The following XRN1 variants were observed in gnomAD, a reference collection of about 807,000 sequenced individuals.
The protein encoded by XRN1 is 5'-3' exoribonuclease 1.
In XRN1, 67 loss-of-function variants were observed where a neutral mutation model predicts 222.3. The observed-to-expected ratio is 0.30, with a 90% CI of 0.25 to 0.37. XRN1 has a LOEUF of 0.37. Ranked by LOEUF, XRN1 falls within the 10% of genes least tolerant of loss-of-function variation. XRN1 has a pLI of 1.00. For synonymous variants in XRN1, 643 were observed against 652.4 expected (o/e 0.99, Z 0.22); for missense variants, 1,707 against 2,000.2 (o/e 0.85, Z 2.80).
At chr3:142,335,376 A>G in intron 34 of XRN1, 72 bp downstream of exon 34, 2 of 1,390,670 alleles carry the variant, frequency 1.4e-6, no homozygotes, top group African/African-American at 2.9e-5. Context: ...TGAGAAATTC[A>G]GTCCAATGCT....
intron 20 of XRN1, among the ~76,000 whole-genome samples, chr3:142,386,597 T>C (rs2067510776): frequency 6.6e-6 from 1 of 152,060 alleles, no homozygotes; most frequent in South Asian, 2.1e-4. Flanking sequence ...TCCCCTGAAA[T>C]TGAGAATGAC....
chr3:142,385,011 T>G (rs954921904), intron 20 of XRN1, among the ~76,000 whole-genome samples: 1 of 152,160 alleles, frequency 6.6e-6, no homozygotes, highest in African/African-American at 2.4e-5. Context: ...AACTGGAACA[T>G]CTGTACATTA....
intron 29 of XRN1, among the ~76,000 whole-genome samples, chr3:142,361,436 T>G (rs996827751): frequency 3.3e-5 from 5 of 152,232 alleles, no homozygotes; most frequent in Admixed American, 1.3e-4. Flanking sequence ...GGCCCTATGC[T>G]ATGATGTATG....
In XRN1 at chr3:142,363,004, G is replaced by C. The variant is rs960599723; in HGVS notation, c.3394+2043C>G. Among the ~76,000 whole-genome samples, 22 of 150,392 alleles carry C rather than the reference G, an allele frequency of 1.5e-4. 1 individual carries two copies. Among genetic ancestry groups the C allele is most frequent in the Admixed American group, 1.1e-3 (17 of 15,134 alleles). On this transcript the variant is annotated intron_variant, in intron 29 of 40. Coordinates refer to ENST00000392981, the MANE Select transcript of XRN1 (RefSeq NM_001282857.2). Reference sequence around the variant, plus strand: ...TACCCAGGCTGGTCTCAAACTCCCGGGCTCAAGCAATCCTCCCGCCTTGGC... The same window carrying C: ...TACCCAGGCTGGTCTCAAACTCCCGCGCTCAAGCAATCCTCCCGCCTTGGC...
Position 142,310,251 on chromosome 3 carries a change from T to C in XRN1, c.*1260A>G, listed in dbSNP as rs570100307. The C allele has an allele frequency of 1.8e-4, 27 of 152,648 alleles. No individual in the cohort carries two copies. Among genetic ancestry groups the C allele is most frequent in the African/African-American group, 6.0e-4 (25 of 41,562 alleles). The allele number at this position is 152,648 out of a possible 1,614,324, so 9.5% of individuals were successfully genotyped here. A position where few individuals can be genotyped will look rare whatever the true frequency, so the allele number is the denominator to read the frequency against. On this transcript the variant is annotated 3_prime_UTR_variant, in exon 41 of 41. Coordinates refer to ENST00000392981, the MANE Select transcript of XRN1 (RefSeq NM_001282857.2). ...TATAACAAGCTGCTCCATATAAAGATTGTGGTTCCTACTTTTAAAAAAGTA... is the reference window on the plus strand; with the variant it reads ...TATAACAAGCTGCTCCATATAAAGACTGTGGTTCCTACTTTTAAAAAAGTA...
intron 39 of XRN1, among the ~76,000 whole-genome samples, chr3:142,318,094 A>C (rs1404987537): frequency 1.3e-5 from 2 of 152,194 alleles, no homozygotes; most frequent in East Asian, 3.8e-4. Context: ...CTGGCAGTAG[A>C]TGCAGAAAAG....
intron 39 of XRN1, chr3:142,313,055 T>TAAAAAAA: frequency 6.8e-7 from 1 of 1,463,438 alleles, no homozygotes; most frequent in East Asian, 2.3e-5. Context: ...ATTATATTTA[T>TAAAAAAA]AAAAAAAATA....
At position 142,421,071 on chromosome 3, in the gene XRN1, G is replaced by T; in HGVS notation, c.1118C>A (p.Ala373Glu). The T allele has an allele frequency of 6.2e-7, 1 of 1,613,996 alleles. No individual in the cohort carries two copies. Among genetic ancestry groups the T allele is most frequent in the Non-Finnish European group, 8.5e-7 (1 of 1,179,960 alleles). ...GGCTTCTTCTGCTGCGACACCTGCT[G>T]CTTCATTGAGGTACTTGTTACCAAC... The part of the protein sequence containing the change: ...SKVGNKYLNE[A>E]AGVAAEEARN... The change falls in exon 10 of 41, where the codon GCA becomes GAA. Residue 373 changes from alanine (A) to glutamate (E), a missense_variant. Physicochemically the swap from Ala to Glu is moderately radical, Grantham distance 107. This residue lies in a region of XRN1 where 1,234 missense variants were observed against 1,518.2 expected (regional missense o/e 0.81). Transcript: ENST00000392981.
chr3:142,343,764 T>C (rs1296183518), intron 33 of XRN1, among the ~76,000 whole-genome samples: 1 of 152,104 alleles, frequency 6.6e-6, no homozygotes, highest in Non-Finnish European at 1.5e-5. Flanking sequence ...ATCAATATAT[T>C]GCAGAGATTA....
intron 37 of XRN1, among the ~76,000 whole-genome samples, chr3:142,323,045 A>G (rs149180406): frequency 3.2e-4 from 48 of 152,154 alleles, no homozygotes; most frequent in Admixed American, 7.2e-4. Context: ...ATCTCAAACT[A>G]CTGAGCTCAA....
At chr3:142,445,942 T>G (rs916440277) in intron 1 of XRN1, among the ~76,000 whole-genome samples, 1 of 152,240 alleles carries the variant, frequency 6.6e-6, no homozygotes, top group Non-Finnish European at 1.5e-5. Context: ...GTTCTAAGGT[T>G]CATCAGATGT....
chr3:142,359,907 A>T lies in XRN1; in HGVS notation c.3419T>A (p.Phe1140Tyr). Reference sequence around the variant, plus strand: ...AAATTCTTCATCAAATAATACTTCAAATAGTACATCGGCTTCTCTATTAGC... The same window carrying T: ...AAATTCTTCATCAAATAATACTTCATATAGTACATCGGCTTCTCTATTAGC... The part of the protein sequence containing the change: ...KGANREADVL[F>Y]EVLFDEEFPG... Residue 1140 changes from phenylalanine (F) to tyrosine (Y), a missense_variant, in exon 30 of 41, where the codon TTT becomes TAT. Phe to Tyr is a conservative substitution (Grantham distance 22, BLOSUM62 3). Transcript: ENST00000392981. 1 of 1,605,396 alleles carries T rather than the reference A, an allele frequency of 6.2e-7. No homozygotes were observed. Among genetic ancestry groups the T allele is most frequent in the Non-Finnish European group, 8.5e-7 (1 of 1,175,246 alleles).
At chr3:142,434,926 A>G (rs1195467585) in intron 1 of XRN1, 3 of 152,200 alleles carry the variant, frequency 2.0e-5, no homozygotes, top group Admixed American at 2.0e-4. Flanking sequence ...AAATGTAACA[A>G]AAAAATTACA....
rs1559881295 is a variant in XRN1 at position 142,432,649 on chromosome 3, TA to T, written c.308+11del. 1 of 1,543,842 alleles carries T rather than the reference TA, an allele frequency of 6.5e-7. No homozygotes were observed. Among genetic ancestry groups the T allele is most frequent in the Admixed American group, 2.0e-5 (1 of 49,542 alleles). On this transcript the variant is annotated intron_variant, in intron 2 of 40. Coordinates refer to ENST00000392981, the MANE Select transcript of XRN1 (RefSeq NM_001282857.2). ...CTAAATAATATTCCAAAATAAAACATAAATGTTTTACCTAAAACGCCTCCCA... is the reference window on the plus strand; with the variant it reads ...CTAAATAATATTCCAAAATAAAACATAATGTTTTACCTAAAACGCCTCCCA...
intron 29 of XRN1, among the ~76,000 whole-genome samples, chr3:142,360,305 C>T (rs1284197604): frequency 6.6e-6 from 1 of 152,086 alleles, no homozygotes; most frequent in Non-Finnish European, 1.5e-5. Context: ...TATTTTGCAA[C>T]TTATTTTTCT....
Position 142,318,589 on chromosome 3 carries a change from T to C in XRN1, c.4621+3A>G, listed in dbSNP as rs779551034. 21 of 1,596,178 alleles carry C rather than the reference T, an allele frequency of 1.3e-5. No homozygotes were observed. In the Admixed American group the frequency reaches 3.5e-4, roughly 27 times the overall value. On this transcript the variant is annotated splice_donor_region_variant and intron_variant, in intron 39 of 40. Transcript: ENST00000392981. ...AAATACTTATAAATGAAAAATATCT[T>C]ACCAGTAGGTGGGGGAAAGGCTGGA... is the stretch of plus-strand genomic sequence containing the variant.
intron 22 of XRN1, among the ~76,000 whole-genome samples, chr3:142,380,477 A>C (rs2067270281): frequency 6.6e-6 from 1 of 152,104 alleles, no homozygotes; most frequent in Non-Finnish European, 1.5e-5. Context: ...TCATTCTGTC[A>C]GACGAGATCA....
At chr3:142,316,594 A>G (rs1294538655) in intron 39 of XRN1, among the ~76,000 whole-genome samples, 1 of 152,180 alleles carries the variant, frequency 6.6e-6, no homozygotes, top group Non-Finnish European at 1.5e-5. Context: ...CTTACTGCCA[A>G]GACTTCCCTC....
At chr3:142,445,976 T>G (rs549405569) in intron 1 of XRN1, among the ~76,000 whole-genome samples, 16 of 152,358 alleles carry the variant, frequency 1.1e-4, no homozygotes, top group East Asian at 3.9e-4. Context: ...CCTTCTCGCT[T>G]TTGCACAGAT....
Sources: allele counts gnomAD v4.1 joint callset (sites outside exome capture counted in the v4.1 genomes callset), GRCh38; gene constraint gnomAD v4.1.1; regional missense constraint gnomAD v4.1.1; transcripts MANE v1.5; gene names NCBI Gene and HGNC (gene_info 2026-07-23, HGNC 2026-07-21).